Variants in ABLIM1 observed in about 807,000 individuals in gnomAD.
The protein encoded by ABLIM1 is actin-binding LIM protein 1.
Under a neutral mutation model 107.0 loss-of-function variants are expected in ABLIM1, and 40 were observed. The ratio of observed to expected loss-of-function variants is 0.37; its 90% CI spans 0.29 to 0.49. The LOEUF (loss-of-function observed/expected upper bound fraction) is 0.49. ABLIM1 is among the 20% of genes least tolerant of loss of function. ABLIM1 has a pLI of 0.97. For missense variants in ABLIM1, 857 were observed against 1,008.5 expected (o/e 0.85, Z 2.04); for synonymous variants, 357 against 357.3 (o/e 1.00, Z 0.01).
intron 12 of ABLIM1, chr10:114,463,171 A>G: frequency 7.8e-7 from 1 of 1,274,876 alleles, no homozygotes; most frequent in Non-Finnish European, 1.0e-6. Flanking sequence ...AGCTCTGTGC[A>G]GCAAGGAGTC....
intron 6 of ABLIM1, among the ~76,000 whole-genome samples, chr10:114,505,120 C>T (rs1051772242): frequency 6.6e-6 from 1 of 152,056 alleles, no homozygotes; most frequent in Non-Finnish European, 1.5e-5. Context: ...TGCTGCTCAG[C>T]GTGTGGTAAA....
intron 6 of ABLIM1, among the ~76,000 whole-genome samples, chr10:114,536,776 G>A (rs2066086923): frequency 6.6e-6 from 1 of 152,158 alleles, no homozygotes; most frequent in African/African-American, 2.4e-5. Flanking sequence ...GGGCCTTCCT[G>A]ACTGTCCATT....
chr10:114,523,661 A>G (rs561544368), intron 6 of ABLIM1, among the ~76,000 whole-genome samples: 22 of 152,280 alleles, frequency 1.4e-4, no homozygotes, highest in African/African-American at 4.8e-4. Context: ...CCCCTCAGAC[A>G]TTAAAACCTG....
At chr10:114,488,439 A>G (rs2058485787) in intron 7 of ABLIM1, among the ~76,000 whole-genome samples, 1 of 152,246 alleles carries the variant, frequency 6.6e-6, no homozygotes. Context: ...GTTGACGGGA[A>G]TAAAGTCAAC....
rs2079320674 is a variant in ABLIM1, at chr10:114,652,945, C to A, written c.244+5012G>T. On this transcript the variant is annotated intron_variant, in intron 1 of 22. Coordinates refer to ENST00000533213, the MANE Select transcript of ABLIM1 (RefSeq NM_002313.7). ...CAACAGCAATATACTTTATGGGAGT[C>A]TTCAAATTTGAGTTGCTGAAGTACG... Among the ~76,000 whole-genome samples, 2 of 152,160 alleles carry A rather than the reference C, an allele frequency of 1.3e-5. 1 individual carries two copies. The highest frequency in any genetic ancestry group is 1.3e-4 in the Admixed American group (2 of 15,276).
chr10:114,462,040 A>G (rs947731239), intron 12 of ABLIM1, among the ~76,000 whole-genome samples: 1 of 152,204 alleles, frequency 6.6e-6, no homozygotes, highest in Admixed American at 6.5e-5. Flanking sequence ...CTGCATACTG[A>G]TAAGTACAGT....
intron 8 of ABLIM1, among the ~76,000 whole-genome samples, chr10:114,477,215 T>C (rs1371247057): frequency 6.6e-6 from 1 of 152,084 alleles, no homozygotes; most frequent in Non-Finnish European, 1.5e-5. Flanking sequence ...ATGGGACAAA[T>C]GGGGTGAAAC....
At chr10:114,727,255 C>A (rs1433679215) in intron 1 of ABLIM1, among the ~76,000 whole-genome samples, 1 of 152,178 alleles carries the variant, frequency 6.6e-6, no homozygotes, top group Non-Finnish European at 1.5e-5. Context: ...ACCTTAGGAA[C>A]TATTCTTAAT....
rs563893912 is a variant in ABLIM1, at chr10:114,629,332, G to A, written c.245-27371C>T. On this transcript the variant is annotated intron_variant, in intron 1 of 22. Coordinates refer to ENST00000533213, the MANE Select transcript of ABLIM1 (RefSeq NM_002313.7). This position sits in a 1 kb window ranked among gnomAD's most constrained non-coding sequence, Gnocchi z 4.0. ...CTCGGGATGGACATTGCCAGGACCC[G>A]AGCCTCCTCGAGTTGATTCCTGACA... 2.6e-5 allele frequency among the ~76,000 whole-genome samples: 4 copies of A among 152,278 alleles called. No individual in the cohort carries two copies. The highest frequency in any genetic ancestry group is 3.9e-4 in the East Asian group (2 of 5,178).
chr10:114,665,136 A>T (rs962609030), intron 1 of ABLIM1, among the ~76,000 whole-genome samples: 1 of 151,586 alleles, frequency 6.6e-6, no homozygotes, highest in Admixed American at 6.6e-5. Flanking sequence ...AAAAAGTTCC[A>T]GAACAGAGAT....
the ABLIM1 span, among the ~76,000 whole-genome samples, chr10:114,791,004 T>C: frequency 6.6e-6 from 1 of 152,174 alleles, no homozygotes; most frequent in Non-Finnish European, 1.5e-5. Context: ...TTAAAAACAC[T>C]GTTCTATGAA....
intron 4 of ABLIM1, among the ~76,000 whole-genome samples, chr10:114,553,129 A>G (rs1403169927): frequency 6.6e-6 from 1 of 152,172 alleles, no homozygotes; most frequent in Non-Finnish European, 1.5e-5. Flanking sequence ...AAGGGCCCCA[A>G]AGATGTCTTA....
chr10:114,761,983 GCTCTCT>G (rs144008972), intron 1 of ABLIM1, among the ~76,000 whole-genome samples: 18 of 145,616 alleles, frequency 1.2e-4, no homozygotes, highest in African/African-American at 2.3e-4. Flanking sequence ...TATCCCATAT[GCTCTCT>G]CTCTCTCTCT....
intron 14 of ABLIM1, 75 bp downstream of exon 14, chr10:114,451,549 C>A (rs1555015019): frequency 1.7e-5 from 23 of 1,390,076 alleles, no homozygotes; most frequent in Non-Finnish European, 4.1e-6. Flanking sequence ...GCAGGAAAAG[C>A]CTTTCAGAGG....
At position 114,575,603 on chromosome 10, in the gene ABLIM1, T is replaced by C; in HGVS notation, c.380-4A>G. The stretch of plus-strand genomic sequence containing the variant: ...TGTGCCAGGTCACAGCCACACACTG[T>C]AGAGAGACAAGTTCACATCTGGTCA... On this transcript the variant is annotated splice_region_variant and splice_polypyrimidine_tract_variant and intron_variant, in intron 2 of 22. Coordinates refer to ENST00000533213, the MANE Select transcript of ABLIM1 (RefSeq NM_002313.7). The C allele has an allele frequency of 6.2e-7, 1 of 1,612,208 alleles. No individual in the cohort carries two copies. Among genetic ancestry groups the C allele is most frequent in the South Asian group, 1.1e-5 (1 of 90,812 alleles).
chr10:114,565,985 T>A (rs1013258342), intron 4 of ABLIM1, among the ~76,000 whole-genome samples: 4 of 151,810 alleles, frequency 2.6e-5, no homozygotes, highest in Admixed American at 6.6e-5. Flanking sequence ...TTAGTAGAGA[T>A]GGGGTTTCAC....
the ABLIM1 span, among the ~76,000 whole-genome samples, chr10:114,786,268 T>G: frequency 1.3e-5 from 2 of 152,126 alleles, no homozygotes; most frequent in Non-Finnish European, 2.9e-5. Flanking sequence ...AATAGCTACT[T>G]ACACAGCAAA....
intron 8 of ABLIM1, among the ~76,000 whole-genome samples, chr10:114,476,729 A>C (rs1470350399): frequency 1.3e-5 from 2 of 151,838 alleles, no homozygotes; most frequent in Non-Finnish European, 1.5e-5. Context: ...GAAGTGGCAC[A>C]ATCAAAATGT....
chr10:114,615,050 C>CA (rs35393607), intron 1 of ABLIM1, among the ~76,000 whole-genome samples: 84,621 of 136,512 alleles, frequency 0.62, 26,065 homozygotes, highest in South Asian at 0.74. Flanking sequence ...AACTCTGTCT[C>CA]AAAAAAAAAA....
Sources: allele counts gnomAD v4.1 joint callset (sites outside exome capture counted in the v4.1 genomes callset), GRCh38; gene constraint gnomAD v4.1.1; non-coding constraint Gnocchi (gnomAD v3.1); transcripts MANE v1.5; gene names NCBI Gene and HGNC (gene_info 2026-07-23, HGNC 2026-07-21).